Variants in VPS13B observed in about 807,000 individuals in gnomAD.
VPS13B encodes the protein vacuolar protein sorting 13 homolog B, also known as intermembrane lipid transfer protein VPS13B.
VPS13B carries 285 observed loss-of-function variants against 426.4 expected under a neutral mutation model. The ratio of observed to expected loss-of-function variants is 0.67; its 90% CI spans 0.61 to 0.74. The LOEUF (loss-of-function observed/expected upper bound fraction) is 0.74, where lower values mean the gene tolerates loss of function less well. Ranked by LOEUF, VPS13B falls within the 30% of genes least tolerant of loss-of-function variation. The probability of loss-of-function intolerance (pLI) is 0.00; values close to 1 mark genes in which losing one functional copy is unlikely to be tolerated. For synonymous variants in VPS13B, 1,676 were observed against 1,676.4 expected, an observed-to-expected ratio of 1.00 and a Z score of 0.01; for missense variants, 4,537 against 4,782.6, an observed-to-expected ratio of 0.95 and a Z score of 1.51.
intron 19 of VPS13B, among the ~76,000 whole-genome samples, chr8:99,371,228 T>C (rs1470328726): frequency 6.6e-6 from 1 of 152,244 alleles, no homozygotes; most frequent in Non-Finnish European, 1.5e-5. Context: ...GACCTTTAGA[T>C]GGTTCTATGG....
At chr8:99,818,663 T>C (rs758662116) in intron 46 of VPS13B, 50 bp from the exon 47 acceptor site, 13 of 1,610,386 alleles carry the variant, frequency 8.1e-6, no homozygotes, top group Non-Finnish European at 1.1e-5. Flanking sequence ...ACAGCTGGAA[T>C]ACTGCAACAA....
chr8:99,340,811 C>T (rs1314117221), intron 19 of VPS13B: 4 of 335,552 alleles, frequency 1.2e-5, no homozygotes, highest in Admixed American at 7.1e-5. Context: ...TGGTGTGGCA[C>T]GCGGACCGCC....
chr8:99,566,036 G>A (rs1825162046), intron 31 of VPS13B, among the ~76,000 whole-genome samples: 1 of 152,148 alleles, frequency 6.6e-6, no homozygotes, highest in South Asian at 2.1e-4. Context: ...GAAAGTGAGT[G>A]GGAAGGCAAA....
chr8:99,562,244 T>C (rs1824962287), intron 31 of VPS13B, among the ~76,000 whole-genome samples: 1 of 152,162 alleles, frequency 6.6e-6, no homozygotes, highest in Admixed American at 6.5e-5. Flanking sequence ...TGTATTTTCT[T>C]TGGAGAAAAG....
chr8:99,542,254 C>T (rs181018467), intron 30 of VPS13B, among the ~76,000 whole-genome samples: 25 of 152,266 alleles, frequency 1.6e-4, no homozygotes, highest in Non-Finnish European at 1.5e-4. Flanking sequence ...AATTTCTTGT[C>T]ACATCATTGC....
chr8:99,625,741 G>A (rs13250454), intron 33 of VPS13B, among the ~76,000 whole-genome samples: 1 of 152,128 alleles, frequency 6.6e-6, no homozygotes, highest in East Asian at 1.9e-4. Flanking sequence ...AGCTACCTGG[G>A]AGGCTGAGGT....
chr8:99,584,073 A>G (rs1826197208), intron 33 of VPS13B, among the ~76,000 whole-genome samples: 1 of 152,090 alleles, frequency 6.6e-6, no homozygotes, highest in Non-Finnish European at 1.5e-5. Flanking sequence ...GACTCCAGTA[A>G]AATATGGATT....
intron 21 of VPS13B, among the ~76,000 whole-genome samples, chr8:99,398,920 G>A (rs996873429): frequency 6.6e-6 from 1 of 151,524 alleles, no homozygotes. Flanking sequence ...CAGTTTTTCA[G>A]GTTAACTTTG....
intron 17 of VPS13B, among the ~76,000 whole-genome samples, chr8:99,224,249 T>G (rs142796468): frequency 7.6e-4 from 115 of 152,212 alleles, no homozygotes; most frequent in African/African-American, 2.6e-3. Context: ...CTTGAATGTG[T>G]TCATGTAGTG....
In VPS13B at chr8:99,852,245, T is replaced by C. The variant is rs181655790; in HGVS notation, c.10062-1206T>C. Among the ~76,000 whole-genome samples, 7 of 152,346 alleles carry C rather than the reference T, an allele frequency of 4.6e-5. No individual in the cohort carries two copies. The East Asian group carries it at 1.3e-3, about 29-fold the overall frequency. On this transcript the variant is annotated intron_variant, in intron 55 of 61. Coordinates refer to ENST00000357162, the MANE Select transcript of VPS13B (RefSeq NM_152564.5). ...AGACATGATAAGCTGAGATGTCATT[T>C]AGACATCTAAGTGACTGTGTGGATA...
intron 2 of VPS13B, among the ~76,000 whole-genome samples, chr8:99,018,486 G>C (rs1841728359): frequency 6.6e-6 from 1 of 152,212 alleles, no homozygotes; most frequent in Non-Finnish European, 1.5e-5. Flanking sequence ...GGCCCAACTT[G>C]TCTAACAGTT....
In VPS13B at chr8:99,044,456, A is replaced by G. The variant is rs566157679; in HGVS notation, c.291+5890A>G. On this transcript the variant is annotated intron_variant, in intron 3 of 61. Coordinates refer to ENST00000357162, the MANE Select transcript of VPS13B (RefSeq NM_152564.5). ...TTTTTTTAATTGAAACGAAATTCAC[A>G]TAACATACAATCAACCATTTTATTT... is the stretch of plus-strand genomic sequence containing the variant. Among the ~76,000 whole-genome samples the G allele has an allele frequency of 6.6e-5, 10 of 152,110 alleles. No homozygotes were observed. In the South Asian group the frequency reaches 2.1e-3, roughly 32 times the overall value.
chr8:99,360,180 TTCTTTCTTTC>T (rs1403094494), intron 19 of VPS13B, among the ~76,000 whole-genome samples: 2,175 of 40,126 alleles, frequency 0.054, 39 homozygotes, highest in Admixed American at 0.062. Flanking sequence ...CTTTCTTTCT[TTCTTTCTTTC>T]TCTCTCTCTC....
intron 25 of VPS13B, among the ~76,000 whole-genome samples, chr8:99,495,707 C>A (rs560446933): frequency 6.6e-6 from 1 of 152,308 alleles, no homozygotes; most frequent in African/African-American, 2.4e-5. Context: ...GTCCTTAAAC[C>A]TACTTGCACT....
chr8:99,847,676 C>T (rs1816052006), intron 54 of VPS13B, among the ~76,000 whole-genome samples: 1 of 152,152 alleles, frequency 6.6e-6, no homozygotes, highest in Non-Finnish European at 1.5e-5. Flanking sequence ...TCCAGGTAAC[C>T]TGCATGCTGA....
At position 99,188,542 on chromosome 8, in the gene VPS13B, C is replaced by G. The variant is rs1300536256; in HGVS notation, c.2334-4334C>G. On this transcript the variant is annotated intron_variant, in intron 16 of 61. Transcript: ENST00000357162. ...TAGTGCCGCAATGAACATTCTTGTG[C>G]AATTTTTTGGTATGAACATGTTTTC... is the stretch of plus-strand genomic sequence containing the variant. 3.3e-5 allele frequency among the ~76,000 whole-genome samples: 5 copies of G among 152,204 alleles called. No individual in the cohort carries two copies. The East Asian group carries it at 9.7e-4, about 29-fold the overall frequency.
chr8:99,575,719 C>T lies in VPS13B; in HGVS notation c.5011C>T (p.Arg1671Ter), dbSNP rs386834093. ...LTPVLTDFSVRITGAPAVIFT... is the reference protein window; with the variant it reads ...LTPVLTDFSV ...CCCCGTTTTGACAGATTTTTCTGTC[C>T]GAATAACTGGAGCACCTGCTGTCAT... is the stretch of plus-strand genomic sequence containing the variant. Residue 1671 changes from arginine (R) to a stop codon, truncating the protein, a stop_gained, in exon 32 of 62, where the codon CGA becomes TGA. Coordinates refer to ENST00000357162, the MANE Select transcript of VPS13B (RefSeq NM_152564.5). LOFTEE classifies it high-confidence loss of function. 6.8e-6 allele frequency: 11 copies of T among 1,613,556 alleles called. No homozygotes were observed. Among genetic ancestry groups the T allele is most frequent in the East Asian group, 4.5e-5 (2 of 44,852 alleles).
At chr8:99,201,936 A>G (rs1246785266) in intron 17 of VPS13B, among the ~76,000 whole-genome samples, 5 of 152,250 alleles carry the variant, frequency 3.3e-5, no homozygotes, top group African/African-American at 7.2e-5. Flanking sequence ...TTTCTCATCT[A>G]TAAAATAATG....
chr8:99,399,414 G>A (rs531443149), intron 21 of VPS13B, among the ~76,000 whole-genome samples: 31 of 152,102 alleles, frequency 2.0e-4, no homozygotes, highest in Middle Eastern at 6.8e-3. Flanking sequence ...ATTTTCTAAA[G>A]GACTTCAACA....
Sources: gnomAD v4.1 joint callset for allele counts (sites outside exome capture counted in the v4.1 genomes callset) on GRCh38, gnomAD v4.1.1 for gene constraint, MANE v1.5 for transcripts, NCBI Gene and HGNC (gene_info 2026-07-23, HGNC 2026-07-21) for gene names.